Variants in DPYD observed in about 807,000 individuals in gnomAD.
The protein encoded by DPYD is dihydropyrimidine dehydrogenase [NADP(+)].
In DPYD, 109 loss-of-function variants were observed where a neutral mutation model predicts 116.2. The observed-to-expected ratio is 0.94, with a 90% CI of 0.80 to 1.10. DPYD has a LOEUF of 1.10. DPYD is among the 50% of genes least tolerant of loss of function. The pLI is 0.00. For missense variants in DPYD, 1,302 were observed against 1,254.5 expected, an observed-to-expected ratio of 1.04 and a Z score of -0.57; for synonymous variants, 440 against 432.0, an observed-to-expected ratio of 1.02 and a Z score of -0.23.
intron 18 of DPYD, among the ~76,000 whole-genome samples, chr1:97,262,688 A>C (rs1337048463): frequency 6.6e-6 from 1 of 152,106 alleles, no homozygotes; most frequent in African/African-American, 2.4e-5. Flanking sequence ...ATAAAGAACA[A>C]TATAATTCTT....
intron 16 of DPYD, among the ~76,000 whole-genome samples, chr1:97,353,536 T>C (rs915514918): frequency 9.9e-5 from 15 of 151,950 alleles, no homozygotes; most frequent in Admixed American, 7.2e-4. Context: ...AAGGCAGGGG[T>C]CATGTCAAAG....
chr1:97,079,588 T>C (rs892468031), intron 22 of DPYD, among the ~76,000 whole-genome samples: 3 of 152,178 alleles, frequency 2.0e-5, no homozygotes, highest in Non-Finnish European at 4.4e-5. Context: ...AGGCAATGAA[T>C]ACATTTGTTT....
At chr1:97,171,601 C>A (rs1348108513) in intron 20 of DPYD, among the ~76,000 whole-genome samples, 1 of 152,132 alleles carries the variant, frequency 6.6e-6, no homozygotes, top group East Asian at 1.9e-4. Flanking sequence ...TCCCTCCAAG[C>A]CTTCCTTTTC....
intron 12 of DPYD, among the ~76,000 whole-genome samples, chr1:97,545,294 C>T (rs1650754099): frequency 6.6e-6 from 1 of 152,042 alleles, no homozygotes; most frequent in Admixed American, 6.6e-5. Flanking sequence ...ATAAAGTGTC[C>T]TATTAATTTA....
intron 12 of DPYD, chr1:97,547,090 A>G: frequency 1.2e-6 from 1 of 868,438 alleles, no homozygotes; most frequent in Non-Finnish European, 1.9e-6. Context: ...TACTCTAGAA[A>G]TGGGTGCATA....
At chr1:97,613,892 T>C (rs1368890772) in intron 8 of DPYD, among the ~76,000 whole-genome samples, 1 of 151,992 alleles carries the variant, frequency 6.6e-6, no homozygotes, top group African/African-American at 2.4e-5. Flanking sequence ...CATACAATAT[T>C]ATAACAGTCT....
intron 14 of DPYD, among the ~76,000 whole-genome samples, chr1:97,436,702 A>G (rs1350100654): frequency 6.6e-6 from 1 of 152,056 alleles, no homozygotes; most frequent in Non-Finnish European, 1.5e-5. Context: ...ATCTTCAGCA[A>G]AGCCAAAGCT....
At chr1:97,814,504 A>T (rs2101407670) in intron 3 of DPYD, among the ~76,000 whole-genome samples, 1 of 152,300 alleles carries the variant, frequency 6.6e-6, no homozygotes, top group South Asian at 2.1e-4. Context: ...AACTGGACAG[A>T]TTCCAAGGAT....
chr1:97,462,359 A>G (rs1431847407), intron 13 of DPYD, among the ~76,000 whole-genome samples: 1 of 152,212 alleles, frequency 6.6e-6, no homozygotes, highest in East Asian at 1.9e-4. Flanking sequence ...CATCATTTAA[A>G]TTACTTAACA....
intron 20 of DPYD, among the ~76,000 whole-genome samples, chr1:97,127,971 G>A (rs543857457): frequency 5.9e-5 from 9 of 152,128 alleles, no homozygotes; most frequent in African/African-American, 9.6e-5. Flanking sequence ...CATAGCAGTC[G>A]GCACTCAATA....
rs187358661 is a variant in DPYD at position 97,216,575 on chromosome 1, C to G, written c.2442+18277G>C. Among the ~76,000 whole-genome samples the G allele has an allele frequency of 2.6e-3, 397 of 152,184 alleles. 6 individuals are homozygous for G. Among genetic ancestry groups the G allele is most frequent in the African/African-American group, 8.8e-3 (364 of 41,534 alleles). On this transcript the variant is annotated intron_variant, in intron 19 of 22. Transcript: ENST00000370192. ...TTGGGAGGCCGAGGCAGGCAAATCA[C>G]TTGAGGTCAGGAGTTCGAGACCAGC...
intron 3 of DPYD, among the ~76,000 whole-genome samples, chr1:97,793,017 T>C (rs1667395295): frequency 6.6e-6 from 1 of 152,216 alleles, no homozygotes; most frequent in African/African-American, 2.4e-5. Context: ...CTTCAGTTAA[T>C]AATAATGTAT....
At chr1:97,141,450 T>A (rs943975338) in intron 20 of DPYD, among the ~76,000 whole-genome samples, 1 of 152,120 alleles carries the variant, frequency 6.6e-6, no homozygotes, top group African/African-American at 2.4e-5. Context: ...GGAAATCTCT[T>A]CTCACAGACA....
chr1:97,410,449 C>T (rs149835984), intron 14 of DPYD, among the ~76,000 whole-genome samples: 56 of 152,196 alleles, frequency 3.7e-4, no homozygotes, highest in African/African-American at 1.2e-3. Flanking sequence ...ATAAATTCAA[C>T]GATTATTTTG....
chr1:97,715,091 G>A (rs1662535571), intron 5 of DPYD, among the ~76,000 whole-genome samples: 1 of 151,994 alleles, frequency 6.6e-6, no homozygotes, highest in Non-Finnish European at 1.5e-5. Context: ...CAGGACACTG[G>A]GAGTTTATTT....
intron 2 of DPYD, among the ~76,000 whole-genome samples, chr1:97,880,462 C>A (rs1672151442): frequency 6.6e-6 from 1 of 151,688 alleles, no homozygotes; most frequent in Admixed American, 6.6e-5. Flanking sequence ...TAAGGAGCAG[C>A]ATTATTCAAC....
Position 97,519,507 on chromosome 1 carries a change from T to C in DPYD, c.1525-3566A>G, listed in dbSNP as rs1648484493. 2.0e-5 allele frequency among the ~76,000 whole-genome samples: 3 copies of C among 152,258 alleles called. No homozygotes were observed. In the South Asian group the frequency reaches 6.2e-4, roughly 32 times the overall value. On this transcript the variant is annotated intron_variant, in intron 12 of 22. Coordinates refer to ENST00000370192, the MANE Select transcript of DPYD (RefSeq NM_000110.4). ...GTCAAACCATATCATCCTGATACTCTAAAACCCATTAAGTGAAGCTCAAAG... is the reference window on the plus strand; with the variant it reads ...GTCAAACCATATCATCCTGATACTCCAAAACCCATTAAGTGAAGCTCAAAG...
chr1:97,139,910 T>C (rs1215844640), intron 20 of DPYD, among the ~76,000 whole-genome samples: 2 of 152,110 alleles, frequency 1.3e-5, no homozygotes, highest in Non-Finnish European at 2.9e-5. Context: ...AGTGCTGTAA[T>C]TTTCTCTGCT....
At chr1:97,251,422 A>G (rs905061577) in intron 18 of DPYD, among the ~76,000 whole-genome samples, 3 of 151,586 alleles carry the variant, frequency 2.0e-5, no homozygotes, top group Admixed American at 1.3e-4. Flanking sequence ...AAGAAAGAAA[A>G]AAAGAAAAAA....
Sources: allele counts gnomAD v4.1 joint callset (sites outside exome capture counted in the v4.1 genomes callset), GRCh38; gene constraint gnomAD v4.1.1; transcripts MANE v1.5; gene names NCBI Gene and HGNC (gene_info 2026-07-23, HGNC 2026-07-21).